The following KCNT2 variants were observed in gnomAD, a reference collection of about 807,000 sequenced individuals.
KCNT2 encodes potassium channel subfamily T member 2.
In KCNT2, 67 loss-of-function variants were observed where a neutral mutation model predicts 153.8. The observed-to-expected ratio is 0.44, with a 90% CI of 0.36 to 0.53. KCNT2 has a LOEUF of 0.53. Among genes scored for constraint, KCNT2 ranks in the 20% least tolerant of loss-of-function variants. The probability of loss-of-function intolerance (pLI) is 0.00; values close to 1 mark genes in which losing one functional copy is unlikely to be tolerated. For missense variants in KCNT2, 975 were observed against 1,354.8 expected (o/e 0.72, Z 4.40); for synonymous variants, 500 against 458.8 (o/e 1.09, Z -1.15).
chr1:196,273,322 A>G (rs1658244561), intron 25 of KCNT2: 4 of 553,946 alleles, frequency 7.2e-6, no homozygotes, highest in Non-Finnish European at 1.2e-5. Context: ...TGAAAAGAAA[A>G]CATTTATATG....
At chr1:196,380,115 T>C (rs1213126013) in intron 13 of KCNT2, among the ~76,000 whole-genome samples, 3 of 152,222 alleles carry the variant, frequency 2.0e-5, no homozygotes, top group African/African-American at 7.2e-5. Flanking sequence ...GCAAGAATGC[T>C]CATGTGTATG....
chr1:196,313,276 T>A (rs1206121353), intron 21 of KCNT2, among the ~76,000 whole-genome samples: 2 of 151,668 alleles, frequency 1.3e-5, no homozygotes, highest in African/African-American at 4.8e-5. Flanking sequence ...GTAGCACTAC[T>A]CAGAGTGTTG....
intron 1 of KCNT2, among the ~76,000 whole-genome samples, chr1:196,558,404 GT>G (rs1188591285): frequency 7.3e-6 from 1 of 136,824 alleles, no homozygotes; most frequent in Non-Finnish European, 1.6e-5. Flanking sequence ...TGTGTGTGTG[GT>G]TTTTTGTTTC....
intron 5 of KCNT2, 93 bp downstream of exon 5, chr1:196,479,086 T>C (rs984887352): frequency 4.9e-6 from 4 of 818,442 alleles, no homozygotes; most frequent in Non-Finnish European, 7.9e-6. Context: ...AGAGTCAGCC[T>C]TACCTTCCAG....
intron 1 of KCNT2, among the ~76,000 whole-genome samples, chr1:196,506,016 A>T (rs1217579393): frequency 6.6e-6 from 1 of 152,200 alleles, no homozygotes. Flanking sequence ...ATATACAATC[A>T]TGTCATCTGC....
At chr1:196,266,608 T>G (rs1657565361) in intron 25 of KCNT2, among the ~76,000 whole-genome samples, 1 of 152,154 alleles carries the variant, frequency 6.6e-6, no homozygotes, top group African/African-American at 2.4e-5. Context: ...TATAAGTAGT[T>G]AATAAGGACT....
At position 196,386,103 on chromosome 1, in the gene KCNT2, G is replaced by T. The variant is rs554028069; in HGVS notation, c.1294+12460C>A. ...AGCAGCCCAGAGGAAAGGTCCACAT[G>T]TAAGAAACCAAGATCTCCTACCAAT... On this transcript the variant is annotated intron_variant, in intron 13 of 27. Coordinates refer to ENST00000294725, the MANE Select transcript of KCNT2 (RefSeq NM_198503.5). Among the ~76,000 whole-genome samples the T allele has an allele frequency of 1.2e-4, 18 of 152,218 alleles. No homozygotes were observed. In the East Asian group the frequency reaches 3.5e-3, roughly 29 times the overall value.
chr1:196,494,200 CTG>C (rs1442709528), intron 1 of KCNT2, among the ~76,000 whole-genome samples: 1 of 152,118 alleles, frequency 6.6e-6, no homozygotes, highest in Non-Finnish European at 1.5e-5. Context: ...AATATAGTAA[CTG>C]TAAATAGTGA....
At chr1:196,300,450 G>A (rs1661078094) in intron 22 of KCNT2, among the ~76,000 whole-genome samples, 1 of 152,190 alleles carries the variant, frequency 6.6e-6, no homozygotes, top group Non-Finnish European at 1.5e-5. Flanking sequence ...CTTCTTCCCT[G>A]AAGCAGGCCA....
At chr1:196,489,776 A>C in intron 3 of KCNT2, 62 bp downstream of exon 3, 1 of 908,842 alleles carries the variant, frequency 1.1e-6, no homozygotes, top group Non-Finnish European at 1.7e-6. Context: ...TTAAATTTAA[A>C]ATGTGATACA....
intron 8 of KCNT2, among the ~76,000 whole-genome samples, chr1:196,440,705 T>G (rs1675148407): frequency 6.6e-6 from 1 of 151,968 alleles, no homozygotes; most frequent in Non-Finnish European, 1.5e-5. Context: ...GTTCCTATTT[T>G]TTTTTGTTTT....
At chr1:196,281,604 T>C (rs946649668) in intron 24 of KCNT2, among the ~76,000 whole-genome samples, 19 of 152,184 alleles carry the variant, frequency 1.2e-4, no homozygotes, top group African/African-American at 4.6e-4. Flanking sequence ...CTTGTAAATC[T>C]GAACTGTTAC....
chr1:196,288,899 A>G (rs1052880144), intron 22 of KCNT2, among the ~76,000 whole-genome samples: 1 of 152,052 alleles, frequency 6.6e-6, no homozygotes, highest in African/African-American at 2.4e-5. Flanking sequence ...TTCTGAAACC[A>G]CATACAATAG....
chr1:196,327,668 C>CT (rs773639795), intron 18 of KCNT2, among the ~76,000 whole-genome samples: 4,029 of 127,848 alleles, frequency 0.032, 111 homozygotes, highest in Non-Finnish European at 0.043. Flanking sequence ...ATATTCTGAT[C>CT]TTTTTTTTTT....
At chr1:196,302,727 C>T (rs1054562689) in intron 22 of KCNT2, among the ~76,000 whole-genome samples, 1 of 151,262 alleles carries the variant, frequency 6.6e-6, no homozygotes, top group African/African-American at 2.4e-5. Context: ...GACCCCAGCA[C>T]AACTTTTTTT....
At chr1:196,264,550 T>C (rs1657343686) in intron 25 of KCNT2, among the ~76,000 whole-genome samples, 1 of 152,120 alleles carries the variant, frequency 6.6e-6, no homozygotes. Context: ...TTTTGCCCCA[T>C]GGATGGGGAA....
chr1:196,486,624 A>T (rs1479117822), intron 3 of KCNT2, among the ~76,000 whole-genome samples: 1 of 151,874 alleles, frequency 6.6e-6, no homozygotes, highest in Non-Finnish European at 1.5e-5. Context: ...AAGCATTTGA[A>T]AGTAATAGGG....
chr1:196,267,110 A>G (rs1051289495), intron 25 of KCNT2, among the ~76,000 whole-genome samples: 2 of 152,228 alleles, frequency 1.3e-5, no homozygotes, highest in South Asian at 2.1e-4. Context: ...TCCTGCTGTC[A>G]CAAACAATCC....
intron 1 of KCNT2, among the ~76,000 whole-genome samples, chr1:196,561,976 C>T (rs1659474601): frequency 6.6e-6 from 1 of 151,694 alleles, no homozygotes; most frequent in Non-Finnish European, 1.5e-5. Flanking sequence ...GGGTTAAGAT[C>T]GGGGATGAGG....
Sources: allele counts gnomAD v4.1 joint callset (sites outside exome capture counted in the v4.1 genomes callset), GRCh38; gene constraint gnomAD v4.1.1; transcripts MANE v1.5; gene names NCBI Gene and HGNC (gene_info 2026-07-23, HGNC 2026-07-21).